The following HEMK2 variants were observed in gnomAD, a reference collection of about 807,000 sequenced individuals.
HEMK2 encodes HemK methyltransferase 2, ETF1 glutamine and histone H4 lysine.
chr21:28,820,178 C>T, the HEMK2 span, among the ~76,000 whole-genome samples: 6 of 152,066 alleles, frequency 3.9e-5, no homozygotes. Context: ...CTTTAGAGAT[C>T]AACAGATTTT....
the HEMK2 span, among the ~76,000 whole-genome samples, chr21:28,812,349 T>C: frequency 6.6e-6 from 1 of 152,186 alleles, no homozygotes; most frequent in Non-Finnish European, 1.5e-5. Flanking sequence ...GTTTTTAGCA[T>C]GAAGGGGTAT....
At chr21:28,810,651 C>T in the HEMK2 span, among the ~76,000 whole-genome samples, 2 of 152,150 alleles carry the variant, frequency 1.3e-5, no homozygotes, top group African/African-American at 2.4e-5. Context: ...GGGACTTAGA[C>T]GGGCAAGGAT....
the HEMK2 span, among the ~76,000 whole-genome samples, chr21:28,840,441 G>C: frequency 6.6e-6 from 1 of 152,184 alleles, no homozygotes; most frequent in African/African-American, 2.4e-5. Context: ...TCACAAGTGG[G>C]AGAAAATCTT....
At chr21:28,689,469 A>C in the HEMK2 span, among the ~76,000 whole-genome samples, 4 of 152,190 alleles carry the variant, frequency 2.6e-5, no homozygotes, top group Admixed American at 6.5e-5. Context: ...TATCTTTCAA[A>C]TATCACAAGA....
the HEMK2 span, chr21:28,876,237 A>T: frequency 2.0e-6 from 1 of 489,754 alleles, no homozygotes; most frequent in Non-Finnish European, 3.6e-6. Flanking sequence ...ATAATTCTAT[A>T]GGCCTGACTG....
the HEMK2 span, among the ~76,000 whole-genome samples, chr21:28,851,861 G>C: frequency 6.6e-6 from 1 of 152,242 alleles, no homozygotes; most frequent in African/African-American, 2.4e-5. Flanking sequence ...CAGCTGAAGG[G>C]AAATTGCTTC....
the HEMK2 span, among the ~76,000 whole-genome samples, chr21:28,697,288 T>C: frequency 8.9e-4 from 136 of 152,240 alleles, 1 homozygote; most frequent in East Asian, 0.022. Flanking sequence ...CCCTAAATGC[T>C]CTCTCTCAAG....
At chr21:28,580,358 A>G in the HEMK2 span, among the ~76,000 whole-genome samples, 1 of 152,108 alleles carries the variant, frequency 6.6e-6, no homozygotes. Context: ...GCAAGGTCAC[A>G]TGGTTTGGAA....
chr21:28,615,178 TAGAA>T, the HEMK2 span, among the ~76,000 whole-genome samples: 11 of 152,170 alleles, frequency 7.2e-5, no homozygotes, highest in African/African-American at 2.2e-4. Flanking sequence ...AAATGATTCT[TAGAA>T]AGATCTGTAG....
the HEMK2 span, among the ~76,000 whole-genome samples, chr21:28,835,886 A>C: frequency 2.6e-4 from 39 of 152,270 alleles, no homozygotes; most frequent in African/African-American, 9.1e-4. Flanking sequence ...AGAAGAAAGA[A>C]ATTCAGAGCT....
At chr21:28,810,539 C>T in the HEMK2 span, among the ~76,000 whole-genome samples, 4,031 of 152,268 alleles carry the variant, frequency 0.026, 181 homozygotes, top group African/African-American at 0.092. Context: ...TGTTTTTCCA[C>T]ATTCACATAT....
At chr21:28,858,678 G>A in the HEMK2 span, among the ~76,000 whole-genome samples, 1 of 152,066 alleles carries the variant, frequency 6.6e-6, no homozygotes, top group African/African-American at 2.4e-5. Context: ...TGGCCTTGTT[G>A]CCTTGCCTCT....
chr21:28,580,649 T>C, the HEMK2 span, among the ~76,000 whole-genome samples: 1 of 151,624 alleles, frequency 6.6e-6, no homozygotes, highest in Non-Finnish European at 1.5e-5. Context: ...GCCTGCAAAA[T>C]TAATGAAAAG....
the HEMK2 span, among the ~76,000 whole-genome samples, chr21:28,617,697 T>TTAAATTTAATTTCTA: frequency 0.029 from 4,366 of 152,262 alleles, 213 homozygotes; most frequent in African/African-American, 0.1. Context: ...TTTCTAAAGG[T>TTAAATTTAATTTCTA]CATAAATTAA....
chr21:28,678,931 T>C, the HEMK2 span, among the ~76,000 whole-genome samples: 1 of 152,164 alleles, frequency 6.6e-6, no homozygotes, highest in African/African-American at 2.4e-5. Flanking sequence ...TACCAGTCAC[T>C]GCAAAAACAT....
chr21:28,864,857 A>AT, the HEMK2 span, among the ~76,000 whole-genome samples: 351 of 134,976 alleles, frequency 2.6e-3, 1 homozygote, highest in African/African-American at 5.9e-3. Context: ...ATAGATAGAT[A>AT]GATAGATAGA....
chr21:28,618,218 C>G, the HEMK2 span, among the ~76,000 whole-genome samples: 1 of 152,244 alleles, frequency 6.6e-6, no homozygotes, highest in Non-Finnish European at 1.5e-5. Context: ...CCTTGAAATG[C>G]GACTTAAGAA....
the HEMK2 span, among the ~76,000 whole-genome samples, chr21:28,706,397 A>T: frequency 6.6e-6 from 1 of 152,198 alleles, no homozygotes; most frequent in Non-Finnish European, 1.5e-5. Flanking sequence ...ATCGGGCCTC[A>T]ATCAAATGTC....
At chr21:28,829,137 T>C in the HEMK2 span, among the ~76,000 whole-genome samples, 1 of 152,206 alleles carries the variant, frequency 6.6e-6, no homozygotes, top group African/African-American at 2.4e-5. Flanking sequence ...TTTAACGATT[T>C]TGATGAAGAT....
Sources: allele counts gnomAD v4.1 joint callset (sites outside exome capture counted in the v4.1 genomes callset), GRCh38; gene constraint gnomAD v4.1.1; transcripts MANE v1.5; gene names NCBI Gene and HGNC (gene_info 2026-07-23, HGNC 2026-07-21).